Variants in GRID2 observed in about 807,000 individuals in gnomAD.
GRID2 encodes the protein glutamate ionotropic receptor delta type subunit 2, also known as glutamate receptor ionotropic, delta-2.
GRID2 carries 33 observed loss-of-function variants against 114.8 expected under a neutral mutation model. The observed-to-expected ratio is 0.29, with a 90% CI of 0.22 to 0.38. GRID2 has a LOEUF of 0.38. GRID2 is among the 10% of genes least tolerant of loss of function. GRID2 has a pLI of 1.00. For missense variants in GRID2, 1,184 were observed against 1,257.7 expected, an observed-to-expected ratio of 0.94 and a Z score of 0.89; for synonymous variants, 505 against 449.9, an observed-to-expected ratio of 1.12 and a Z score of -1.55.
At chr4:93,290,479 T>C (rs1753622100) in intron 8 of GRID2, among the ~76,000 whole-genome samples, 1 of 152,204 alleles carries the variant, frequency 6.6e-6, no homozygotes, top group African/African-American at 2.4e-5. Flanking sequence ...TAATGTCAGG[T>C]GATGACATCA....
intron 2 of GRID2, among the ~76,000 whole-genome samples, chr4:92,995,412 A>G (rs1380590310): frequency 6.6e-6 from 1 of 152,196 alleles, no homozygotes; most frequent in East Asian, 1.9e-4. Context: ...GATGCTTTAT[A>G]TATTCTCTTT....
intron 1 of GRID2, among the ~76,000 whole-genome samples, chr4:92,541,581 T>A (rs1026467730): frequency 4.6e-5 from 7 of 152,084 alleles, no homozygotes; most frequent in Non-Finnish European, 1.5e-5. Flanking sequence ...TTTATCAAAA[T>A]GAGGATTAAT....
At chr4:93,441,128 G>A (rs972680338) in intron 10 of GRID2, among the ~76,000 whole-genome samples, 15 of 152,110 alleles carry the variant, frequency 9.9e-5, no homozygotes, top group Middle Eastern at 3.4e-3. Context: ...TGAAATCCAC[G>A]GTTGGCTATT....
chr4:92,372,082 T>A (rs1729141770), intron 1 of GRID2, among the ~76,000 whole-genome samples: 1 of 152,168 alleles, frequency 6.6e-6, no homozygotes, highest in South Asian at 2.1e-4. Flanking sequence ...TGCAATCTCA[T>A]GACAAAACTT....
chr4:93,717,865 C>T (rs1028353017), intron 14 of GRID2, among the ~76,000 whole-genome samples: 10 of 152,048 alleles, frequency 6.6e-5, no homozygotes, highest in African/African-American at 2.4e-4. Context: ...ACATTCTGGC[C>T]CTTACTACTT....
At chr4:93,591,165 C>A (rs1738244191) in intron 13 of GRID2, among the ~76,000 whole-genome samples, 2 of 146,902 alleles carry the variant, frequency 1.4e-5, no homozygotes, top group East Asian at 2.0e-4. Context: ...CAGTTTTTGC[C>A]CATTCAGTAT....
chr4:92,976,315 A>C (rs893383655), intron 2 of GRID2, among the ~76,000 whole-genome samples: 6 of 152,110 alleles, frequency 3.9e-5, no homozygotes, highest in African/African-American at 1.4e-4. Context: ...TACAAATTTA[A>C]ATCATTTTCG....
At chr4:92,640,232 A>G (rs574827144) in intron 2 of GRID2, among the ~76,000 whole-genome samples, 10 of 151,996 alleles carry the variant, frequency 6.6e-5, no homozygotes, top group African/African-American at 2.2e-4. Context: ...ATGAAAGAAA[A>G]GAAAGTGCCA....
intron 14 of GRID2, among the ~76,000 whole-genome samples, chr4:93,768,630 G>T (rs1733867711): frequency 6.6e-6 from 1 of 152,148 alleles, no homozygotes; most frequent in Admixed American, 6.5e-5. Flanking sequence ...AACCAAAAAA[G>T]ATGTATTTTA....
intron 13 of GRID2, among the ~76,000 whole-genome samples, chr4:93,621,962 A>T (rs2149683773): frequency 6.6e-6 from 1 of 152,336 alleles, no homozygotes; most frequent in Non-Finnish European, 1.5e-5. Flanking sequence ...CAACAATGCT[A>T]GAAAACTTTT....
chr4:93,335,694 C>CTTTTTTTTTTTTTTTTTTTTTTTT (rs55823712), intron 8 of GRID2, among the ~76,000 whole-genome samples: 7 of 141,726 alleles, frequency 4.9e-5, no homozygotes, highest in African/African-American at 1.9e-4. Context: ...TTTCTTCTTT[C>CTTTTTTTTTTTTTTTTTTTTTTTT]TTTTTTTTTT....
chr4:93,475,715 C>T (rs578236794), intron 11 of GRID2, among the ~76,000 whole-genome samples: 39 of 152,226 alleles, frequency 2.6e-4, no homozygotes, highest in African/African-American at 8.9e-4. Context: ...ACAACTGCTG[C>T]TTACCCTTTG....
intron 2 of GRID2, among the ~76,000 whole-genome samples, chr4:92,839,141 GAA>G (rs1742686671): frequency 6.6e-6 from 1 of 152,028 alleles, no homozygotes; most frequent in Non-Finnish European, 1.5e-5. Context: ...CATCCTTGAA[GAA>G]CTGCTCTTTG....
chr4:92,621,060 C>A (rs1294498700), intron 2 of GRID2, among the ~76,000 whole-genome samples: 1 of 148,430 alleles, frequency 6.7e-6, no homozygotes, highest in Non-Finnish European at 1.5e-5. Context: ...TTTTTTCTGA[C>A]TTTTAAGTTG....
rs116518253 is a variant in GRID2, at chr4:93,220,438, C to T, written c.963+3527C>T. On this transcript the variant is annotated intron_variant, in intron 6 of 15. Coordinates refer to ENST00000282020, the MANE Select transcript of GRID2 (RefSeq NM_001510.4). ...AGATAGTGAACACTCTGGCCTCAGA[C>T]AGAAAGCAAAATAAAGCTCAAAAAT... Among the ~76,000 whole-genome samples the T allele has an allele frequency of 8.6e-3, 1,303 of 152,158 alleles. 18 individuals are homozygous for T. The highest frequency in any genetic ancestry group is 0.03 in the African/African-American group (1,244 of 41,522).
At chr4:93,364,284 A>T (rs1315571911) in intron 8 of GRID2, among the ~76,000 whole-genome samples, 1 of 152,096 alleles carries the variant, frequency 6.6e-6, no homozygotes, top group Non-Finnish European at 1.5e-5. Context: ...TTTGGAATTA[A>T]AAAATAATCA....
At chr4:92,845,549 A>G (rs143513029) in intron 2 of GRID2, among the ~76,000 whole-genome samples, 56 of 152,166 alleles carry the variant, frequency 3.7e-4, no homozygotes, top group African/African-American at 1.2e-3. Context: ...AAATTTTAAA[A>G]AAACATAGTA....
At chr4:92,794,874 T>TTTTATATATATATATATATA (rs139320071) in intron 2 of GRID2, among the ~76,000 whole-genome samples, 2 of 106,052 alleles carry the variant, frequency 1.9e-5, no homozygotes, top group African/African-American at 8.3e-5. Context: ...AATAATTGTT[T>TTTTATATATATATATATATA]TATATATATA....
chr4:93,128,182 C>T (rs577909218), intron 4 of GRID2, among the ~76,000 whole-genome samples: 4 of 151,768 alleles, frequency 2.6e-5, no homozygotes, highest in South Asian at 2.1e-4. Flanking sequence ...ATTTGTAAGG[C>T]GAGCTTGTAC....
Sources: allele counts gnomAD v4.1 joint callset (sites outside exome capture counted in the v4.1 genomes callset), GRCh38; gene constraint gnomAD v4.1.1; transcripts MANE v1.5; gene names NCBI Gene and HGNC (gene_info 2026-07-23, HGNC 2026-07-21).